Variants in GLIS3 observed in about 807,000 individuals in gnomAD.
GLIS3 encodes GLIS family zinc finger 3.
A neutral mutation model predicts 78.6 loss-of-function variants in GLIS3; 53 were observed. That is an observed-to-expected ratio of 0.67 (90% CI 0.54 to 0.85). GLIS3 has a LOEUF of 0.85. GLIS3 is among the 40% of genes least tolerant of loss of function. The pLI, the probability that GLIS3 is intolerant of heterozygous loss-of-function variation, is 0.00. For synonymous variants in GLIS3, 684 were observed against 509.9 expected, an observed-to-expected ratio of 1.34 and a Z score of -4.60; for missense variants, 1,703 against 1,231.1, an observed-to-expected ratio of 1.38 and a Z score of -5.74.
At chr9:3,882,955 A>G (rs1821832703) in intron 7 of GLIS3, among the ~76,000 whole-genome samples, 1 of 152,210 alleles carries the variant, frequency 6.6e-6, no homozygotes, top group African/African-American at 2.4e-5. Flanking sequence ...AGCACTTTGC[A>G]TGCCAAGTCC....
chr9:4,252,773 G>C (rs1042274836), intron 2 of GLIS3, among the ~76,000 whole-genome samples: 2 of 152,120 alleles, frequency 1.3e-5, no homozygotes, highest in South Asian at 4.1e-4. Context: ...TTTGATGTTG[G>C]TGACCTTTGC....
intron 6 of GLIS3, among the ~76,000 whole-genome samples, chr9:3,906,636 C>T (rs528085722): frequency 1.3e-5 from 2 of 152,218 alleles, no homozygotes; most frequent in Non-Finnish European, 2.9e-5. Context: ...ACGATGGGGC[C>T]GGACCACGAA....
At chr9:4,209,761 T>G (rs1820220120) in intron 2 of GLIS3, among the ~76,000 whole-genome samples, 1 of 152,116 alleles carries the variant, frequency 6.6e-6, no homozygotes, top group East Asian at 1.9e-4. Context: ...TGTGCATCTC[T>G]GGATGTTTAA....
chr9:4,192,467 T>C (rs928968485), intron 2 of GLIS3, among the ~76,000 whole-genome samples: 1 of 152,220 alleles, frequency 6.6e-6, no homozygotes, highest in African/African-American at 2.4e-5. Flanking sequence ...AACAACCAAT[T>C]TCCAAACAAA....
intron 2 of GLIS3, among the ~76,000 whole-genome samples, chr9:4,196,475 C>A (rs557247745): frequency 6.6e-6 from 1 of 152,236 alleles, no homozygotes; most frequent in Admixed American, 6.5e-5. Context: ...TTTGGGTCCG[C>A]ACTGCCTTTA....
the GLIS3 span, among the ~76,000 whole-genome samples, chr9:4,367,570 G>A: frequency 7.3e-6 from 1 of 137,074 alleles, no homozygotes; most frequent in South Asian, 2.4e-4. Context: ...GAATGTGGAA[G>A]TAGCAGTGAG....
Position 3,825,310 on chromosome 9 carries a change from C to T in GLIS3, c.*2962G>A, listed in dbSNP as rs1421144796. 2 of 151,896 alleles carry T rather than the reference C, an allele frequency of 1.3e-5. No individual in the cohort carries two copies. The highest frequency in any genetic ancestry group is 2.9e-5 in the Non-Finnish European group (2 of 67,986). The allele number at this position is 151,896 out of a possible 1,614,324, so 9.4% of individuals were successfully genotyped here. On this transcript the variant is annotated 3_prime_UTR_variant, in exon 11 of 11. Coordinates refer to ENST00000381971, the MANE Select transcript of GLIS3 (RefSeq NM_001042413.2). The stretch of plus-strand genomic sequence containing the variant: ...GGGTAATGGGAGATACCCCACAGGA[C>T]CTGTAAATATTTAAATAATATTTAA...
intron 4 of GLIS3, among the ~76,000 whole-genome samples, chr9:3,999,536 G>T (rs1258305751): frequency 6.6e-6 from 1 of 151,804 alleles, no homozygotes; most frequent in Non-Finnish European, 1.5e-5. Flanking sequence ...TACCATGGGG[G>T]GAAATACTAA....
intron 2 of GLIS3, among the ~76,000 whole-genome samples, chr9:4,206,463 G>A (rs576830368): frequency 1.3e-5 from 2 of 152,262 alleles, no homozygotes; most frequent in African/African-American, 2.4e-5. Flanking sequence ...AAACTCAGAC[G>A]CCTATTAGCA....
At chr9:4,317,554 G>C (rs963236842) in intron 2 of GLIS3, among the ~76,000 whole-genome samples, 1 of 152,206 alleles carries the variant, frequency 6.6e-6, no homozygotes, top group Non-Finnish European at 1.5e-5. Context: ...AAATGCTAAA[G>C]TGAGTATAAA....
chr9:4,116,682 G>C (rs1297323675), intron 4 of GLIS3, among the ~76,000 whole-genome samples: 1 of 152,124 alleles, frequency 6.6e-6, no homozygotes, highest in African/African-American at 2.4e-5. Flanking sequence ...ACATACTACA[G>C]AAAGAAGGAA....
intron 6 of GLIS3, among the ~76,000 whole-genome samples, chr9:3,930,900 TA>T (rs1184696856): frequency 1.3e-5 from 2 of 152,122 alleles, no homozygotes; most frequent in Non-Finnish European, 2.9e-5. Context: ...ATAACAAAAA[TA>T]ATAGACGGTG....
chr9:4,407,367 C>T, the GLIS3 span, among the ~76,000 whole-genome samples: 1 of 152,176 alleles, frequency 6.6e-6, no homozygotes, highest in South Asian at 2.1e-4. Flanking sequence ...AAAAACTGAC[C>T]GGGCAAGGTG....
the GLIS3 span, among the ~76,000 whole-genome samples, chr9:4,356,964 G>C: frequency 2.0e-5 from 3 of 152,162 alleles, no homozygotes; most frequent in Non-Finnish European, 4.4e-5. Context: ...GGAATATATT[G>C]ACTGGTACGA....
intron 8 of GLIS3, among the ~76,000 whole-genome samples, chr9:3,860,623 AAGG>A (rs1198816424): frequency 6.6e-6 from 1 of 152,206 alleles, no homozygotes; most frequent in Non-Finnish European, 1.5e-5. Flanking sequence ...CAGATGGGCA[AAGG>A]AGAAGACAGA....
intron 7 of GLIS3, among the ~76,000 whole-genome samples, chr9:3,885,319 T>C (rs770677032): frequency 9.2e-5 from 14 of 152,174 alleles, no homozygotes; most frequent in Non-Finnish European, 1.6e-4. Context: ...TTGTCAATAA[T>C]GCACCAAGGG....
intron 4 of GLIS3, among the ~76,000 whole-genome samples, chr9:4,112,754 G>C (rs1338666894): frequency 6.6e-6 from 1 of 152,044 alleles, no homozygotes; most frequent in Non-Finnish European, 1.5e-5. Flanking sequence ...TTTATTTTTA[G>C]ATAAAATATA....
In GLIS3 at chr9:3,824,650, G is replaced by A. The variant is rs1262648965; in HGVS notation, c.*3622C>T. The A allele has an allele frequency of 6.6e-6, 1 of 152,552 alleles. No homozygotes were observed. The highest frequency in any genetic ancestry group is 1.5e-5 in the Non-Finnish European group (1 of 68,024). 9.4% of individuals were successfully genotyped at this position (152,552 alleles called of 1,614,324 possible). A position where few individuals can be genotyped will look rare whatever the true frequency, so the allele number is the denominator to read the frequency against. ...AAAAAGTGTACCTAATTCTTTAAAA[G>A]ATTTATGACAATAAGCACCAGATGT... On this transcript the variant is annotated 3_prime_UTR_variant, in exon 11 of 11. Transcript: ENST00000381971.
chr9:3,872,373 ATTTAC>A (rs1274406741), intron 8 of GLIS3, among the ~76,000 whole-genome samples: 3 of 152,150 alleles, frequency 2.0e-5, no homozygotes, highest in African/African-American at 7.2e-5. Context: ...ACTGGTAGCA[ATTTAC>A]TTTATTAGTC....
Sources: allele counts gnomAD v4.1 joint callset (sites outside exome capture counted in the v4.1 genomes callset), GRCh38; gene constraint gnomAD v4.1.1; transcripts MANE v1.5; gene names NCBI Gene and HGNC (gene_info 2026-07-23, HGNC 2026-07-21).